FBLN7: variants seen among roughly 807,000 people sequenced by gnomAD.
FBLN7 encodes fibulin 7.
FBLN7 carries 31 observed loss-of-function variants against 44.0 expected under a neutral mutation model. The observed-to-expected ratio is 0.70, with a 90% CI of 0.53 to 0.95. The LOEUF is 0.95. Ranked by LOEUF, FBLN7 falls within the 40% of genes least tolerant of loss-of-function variation. The probability of loss-of-function intolerance (pLI) is 0.00; values close to 1 mark genes in which losing one functional copy is unlikely to be tolerated. For synonymous variants in FBLN7, 262 were observed against 253.4 expected (o/e 1.03, Z -0.32); for missense variants, 573 against 618.5 (o/e 0.93, Z 0.78).
At chr2:112,234,117 T>C in the FBLN7 span, 1 of 1,510,404 alleles carries the variant, frequency 6.6e-7, no homozygotes, top group Non-Finnish European at 9.0e-7. Flanking sequence ...CACATTTTTA[T>C]ACCTTAATAC....
At chr2:112,188,883 A>G (rs1037607503), downstream of FBLN7, 2 of 152,228 alleles carry the variant, frequency 1.3e-5, no homozygotes, top group African/African-American at 4.8e-5. Context: ...CATGCAAACT[A>G]AAGTTACAAG....
chr2:112,185,311 A>C lies in FBLN7; in HGVS notation c.919A>C (p.Asn307His), dbSNP rs766089904. 21 of 1,613,756 alleles carry C rather than the reference A, an allele frequency of 1.3e-5. 1 individual carries two copies. The South Asian group carries it at 2.2e-4, about 17-fold the overall frequency. The change falls in exon 7 of 8, where the codon AAT becomes CAT. Residue 307 changes from asparagine to histidine, a missense_variant. Transcript: ENST00000331203. The stretch of plus-strand genomic sequence containing the variant: ...CCCTGAGTGCCCCGAGGGCAGCGGC[A>C]ATGTGAGCTACGTGAAGACGTCTCC... ...VSPECPEGSG[N>H]VSYVKTSPFQ... is the part of the protein sequence containing the mutation.
intron 6 of FBLN7, among the ~76,000 whole-genome samples, chr2:112,184,736 A>G (rs548946751): frequency 1.1e-4 from 17 of 147,930 alleles, no homozygotes; most frequent in Non-Finnish European, 2.2e-4. Flanking sequence ...TGTATATGGT[A>G]TATATATATA....
At chr2:112,212,686 G>A in the FBLN7 span, 2 of 152,116 alleles carry the variant, frequency 1.3e-5, no homozygotes, top group African/African-American at 4.8e-5. Flanking sequence ...TTTCCTCTCT[G>A]TTTTCTTCAG....
At chr2:112,186,465 C>T (rs954663082) in intron 7 of FBLN7, among the ~76,000 whole-genome samples, 5 of 152,028 alleles carry the variant, frequency 3.3e-5, no homozygotes, top group African/African-American at 1.2e-4. Flanking sequence ...CATGGTGAAA[C>T]CCCGTCTCTA....
At chr2:112,205,049 G>A in the FBLN7 span, among the ~76,000 whole-genome samples, 3 of 151,842 alleles carry the variant, frequency 2.0e-5, no homozygotes, top group East Asian at 1.9e-4. Flanking sequence ...TACAAAAGAG[G>A]GAAAAGGGAA....
chr2:112,232,247 C>T, the FBLN7 span, among the ~76,000 whole-genome samples: 18 of 140,840 alleles, frequency 1.3e-4, no homozygotes, highest in East Asian at 6.6e-4. Context: ...ACCTGGGAGG[C>T]GGAGGTTGCA....
Position 112,167,867 on chromosome 2 carries a change from C to CACGTTATGTTATGTTATTTATGTTATGTT in FBLN7, c.406+2713_406+2714insTTATGTTATGTTACGTTATGTTATGTTAT, listed in dbSNP as rs1558885194. ...GTGTGTCATCTCTGTCCAGGAAAGA[C>CACGTTATGTTATGTTATTTATGTTATGTT]ACGTTATGTTATGTTATGTTATGTT... On this transcript the variant is annotated intron_variant, in intron 3 of 7. Coordinates refer to ENST00000331203, the MANE Select transcript of FBLN7 (RefSeq NM_153214.3). Among the ~76,000 whole-genome samples the CACGTTATGTTATGTTATTTATGTTATGTT allele has an allele frequency of 3.3e-4, 3 of 9,150 alleles. No individual in the cohort carries two copies. The East Asian group carries it at 4.2e-3, about 13-fold the overall frequency. The allele number at this position is 9,150 out of a possible 152,430, so 6.0% of individuals were successfully genotyped here.
At chr2:112,206,662 G>C in the FBLN7 span, among the ~76,000 whole-genome samples, 3 of 151,832 alleles carry the variant, frequency 2.0e-5, no homozygotes, top group East Asian at 5.8e-4. Context: ...ACCTGCCCTT[G>C]GCCTCCCAAA....
chr2:112,154,159 A>G (rs1249815049), intron 1 of FBLN7, among the ~76,000 whole-genome samples: 6 of 152,136 alleles, frequency 3.9e-5, no homozygotes, highest in Admixed American at 3.9e-4. Context: ...ATATTTTTCT[A>G]CTCAAAGATG....
At chr2:112,225,280 AAAT>A in the FBLN7 span, among the ~76,000 whole-genome samples, 6 of 152,334 alleles carry the variant, frequency 3.9e-5, no homozygotes, top group East Asian at 1.2e-3. Flanking sequence ...CCACTGGGGA[AAAT>A]AATAAAATGT....
chr2:112,189,571 G>A (rs1683416807), downstream of FBLN7: 1 of 152,148 alleles, frequency 6.6e-6, no homozygotes, highest in Non-Finnish European at 1.5e-5. Context: ...GTAACTACTG[G>A]TTAACCAGAA....
the FBLN7 span, chr2:112,233,371 C>T: frequency 6.4e-7 from 1 of 1,568,162 alleles, no homozygotes. Context: ...CACTGGTCTC[C>T]CTAGGCCAAA....
intron 1 of FBLN7, among the ~76,000 whole-genome samples, chr2:112,141,320 CTTG>C (rs1263428666): frequency 6.6e-6 from 1 of 152,216 alleles, no homozygotes; most frequent in Non-Finnish European, 1.5e-5. Context: ...CCCAGTCTCT[CTTG>C]TTGGGCTCCA....
intron 1 of FBLN7, among the ~76,000 whole-genome samples, chr2:112,143,950 C>T (rs1680774674): frequency 6.6e-6 from 1 of 152,030 alleles, no homozygotes; most frequent in African/African-American, 2.4e-5. Flanking sequence ...ATCTCATTTG[C>T]TCTGAGAATA....
Position 112,185,240 on chromosome 2 carries a change from A to AG in FBLN7, c.852dup (p.Thr285AspfsTer16). Reference sequence around the variant, plus strand: ...GTGGGCCTGCAGCCGGTGTGCCCCCAGGGGACCACATGCATCAACACCGGT... The same window carrying AG: ...GTGGGCCTGCAGCCGGTGTGCCCCCAGGGGGACCACATGCATCAACACCGGT... On this transcript the variant is annotated frameshift_variant, in exon 7 of 8. Coordinates refer to ENST00000331203, the MANE Select transcript of FBLN7 (RefSeq NM_153214.3). LOFTEE classifies it high-confidence loss of function. 1 of 1,613,902 alleles carries AG rather than the reference A, an allele frequency of 6.2e-7. No individual in the cohort carries two copies. Among genetic ancestry groups the AG allele is most frequent in the Non-Finnish European group, 8.5e-7 (1 of 1,179,874 alleles).
In FBLN7 at chr2:112,181,893, C is replaced by A. The variant is rs867890573; in HGVS notation, c.670+17C>A. On this transcript the variant is annotated intron_variant, in intron 5 of 7. Coordinates refer to ENST00000331203, the MANE Select transcript of FBLN7 (RefSeq NM_153214.3). Reference sequence around the variant, plus strand: ...TCTGCCAGGGTAGGCGCGGGCTCCGCCAGGACACTGGGGACAGCACGGGGA... The same window carrying A: ...TCTGCCAGGGTAGGCGCGGGCTCCGACAGGACACTGGGGACAGCACGGGGA... The A allele has an allele frequency of 6.5e-7, 1 of 1,534,322 alleles. No homozygotes were observed.
chr2:112,240,029 T>C, the FBLN7 span, among the ~76,000 whole-genome samples: 20 of 152,280 alleles, frequency 1.3e-4, 1 homozygote, highest in African/African-American at 4.8e-4. Context: ...GCCTCAATTA[T>C]ACCTTATCTT....
the FBLN7 span, among the ~76,000 whole-genome samples, chr2:112,205,333 T>C: frequency 6.6e-6 from 1 of 152,102 alleles, no homozygotes; most frequent in Admixed American, 6.5e-5. Flanking sequence ...CATAAAATTC[T>C]AGCTTACCAG....
Sources: allele counts gnomAD v4.1 joint callset (sites outside exome capture counted in the v4.1 genomes callset), GRCh38; gene constraint gnomAD v4.1.1; transcripts MANE v1.5; gene names NCBI Gene and HGNC (gene_info 2026-07-23, HGNC 2026-07-21).